The following MYCBP2 variants were observed in gnomAD, a reference collection of about 807,000 sequenced individuals.
The protein encoded by MYCBP2 is MYC binding protein 2, also known as E3 ubiquitin-protein ligase MYCBP2.
In MYCBP2, 120 loss-of-function variants were observed where a neutral mutation model predicts 525.3. That is an observed-to-expected ratio of 0.23 (90% confidence interval 0.20 to 0.27). MYCBP2 has a LOEUF of 0.27. Among genes scored for constraint, MYCBP2 ranks in the 10% least tolerant of loss-of-function variants. The pLI is 1.00. For synonymous variants in MYCBP2, 1,894 were observed against 1,955.8 expected (o/e 0.97, Z 0.83); for missense variants, 4,149 against 5,657.1 (o/e 0.73, Z 8.55).
chr13:77,082,155 GT>G, intron 63 of MYCBP2, 162 bp from the exon 64 acceptor site: 1 of 625,174 alleles, frequency 1.6e-6, no homozygotes, highest in South Asian at 3.0e-5. Context: ...TATTGTTTTT[GT>G]TTTTGAGAAA....
At chr13:77,276,668 T>G (rs1048655108) in intron 4 of MYCBP2, among the ~76,000 whole-genome samples, 22 of 150,998 alleles carry the variant, frequency 1.5e-4, no homozygotes, top group African/African-American at 3.2e-4. Context: ...TTTTGGGGGT[T>G]TTTTTTTTGG....
chr13:77,289,504 T>C (rs1351419740), intron 2 of MYCBP2, among the ~76,000 whole-genome samples: 1 of 151,952 alleles, frequency 6.6e-6, no homozygotes, highest in African/African-American at 2.4e-5. Flanking sequence ...CCAGTATCGA[T>C]TCATGATAGA....
At chr13:77,166,976 TAC>T (rs539593054) in intron 40 of MYCBP2, among the ~76,000 whole-genome samples, 2,990 of 127,088 alleles carry the variant, frequency 0.024, 51 homozygotes, top group African/African-American at 0.055. Flanking sequence ...AACACACACA[TAC>T]ACACACACAC....
At chr13:77,319,127 T>C (rs1299886083) in intron 1 of MYCBP2, among the ~76,000 whole-genome samples, 1 of 152,098 alleles carries the variant, frequency 6.6e-6, no homozygotes, top group Non-Finnish European at 1.5e-5. Flanking sequence ...TGTGTGTGTT[T>C]GTGTGTACAG....
intron 1 of MYCBP2, among the ~76,000 whole-genome samples, chr13:77,324,474 T>C (rs1318214179): frequency 6.6e-6 from 1 of 152,246 alleles, no homozygotes; most frequent in Non-Finnish European, 1.5e-5. Context: ...AGAAATGTGA[T>C]TTAATTCTTA....
chr13:77,319,290 A>G (rs925073270), intron 1 of MYCBP2, among the ~76,000 whole-genome samples: 2 of 152,166 alleles, frequency 1.3e-5, no homozygotes, highest in African/African-American at 4.8e-5. Flanking sequence ...TAGCTAGTAG[A>G]AGAAGGCCAC....
intron 43 of MYCBP2, among the ~76,000 whole-genome samples, chr13:77,162,475 G>GT (rs1388310756): frequency 6.6e-6 from 1 of 152,078 alleles, no homozygotes; most frequent in Non-Finnish European, 1.5e-5. Flanking sequence ...TACTAATAAA[G>GT]TAATACTTGT....
chr13:77,174,147 T>C (rs2059396819), intron 37 of MYCBP2, among the ~76,000 whole-genome samples, 164 bp downstream of exon 37: 1 of 152,232 alleles, frequency 6.6e-6, no homozygotes, highest in Non-Finnish European at 1.5e-5. Flanking sequence ...ATTGAATTTA[T>C]ATATTAAAAA....
At chr13:77,252,032 C>A (rs1417054403) in intron 14 of MYCBP2, among the ~76,000 whole-genome samples, 1 of 152,176 alleles carries the variant, frequency 6.6e-6, no homozygotes, top group Non-Finnish European at 1.5e-5. Flanking sequence ...AGAAGTCATT[C>A]CCTATTAAAG....
chr13:77,326,753 G>A lies in MYCBP2; in HGVS notation c.23C>T (p.Ala8Val). 1 of 1,414,628 alleles carries A rather than the reference G, an allele frequency of 7.1e-7. No homozygotes were observed. The highest frequency in any genetic ancestry group is 9.1e-7 in the Non-Finnish European group (1 of 1,098,560). 87.6% of individuals were successfully genotyped at this position (1,414,628 alleles called of 1,614,324 possible). The change falls in exon 1 of 83, where the codon GCC (alanine) becomes GTC (valine). Residue 8 changes from alanine to valine, a missense_variant. By Grantham distance (64) the Ala-to-Val change is moderately conservative. This residue lies in a region of MYCBP2 where 413 missense variants were observed against 451.2 expected (regional missense o/e 0.92). Coordinates refer to ENST00000544440, the MANE Select transcript of MYCBP2 (RefSeq NM_015057.5). The surrounding 1 kb of genome is among the most constrained non-coding windows in gnomAD (Gnocchi z 4.2). ...CCCCGAGGAGGCGGCGGCGGGGGAG[G>A]CAGTCGCTGCGCACATCATCATCCT... is the stretch of plus-strand genomic sequence containing the variant. MMMCAAT[A>V]SPAAASSGLG...
intron 38 of MYCBP2, among the ~76,000 whole-genome samples, chr13:77,171,116 C>T (rs548155838): frequency 9.2e-4 from 140 of 152,238 alleles, no homozygotes; most frequent in Middle Eastern, 3.4e-3. Context: ...ACAAGTGCCT[C>T]TGAGGAGATG....
intron 55 of MYCBP2, among the ~76,000 whole-genome samples, chr13:77,112,510 C>T (rs990341594): frequency 6.6e-5 from 10 of 151,534 alleles, no homozygotes; most frequent in East Asian, 3.8e-4. Flanking sequence ...ACTGCAGCCT[C>T]GAACTCCTGG....
At chr13:77,161,539 A>G (rs1264364946) in intron 44 of MYCBP2, among the ~76,000 whole-genome samples, 1 of 152,220 alleles carries the variant, frequency 6.6e-6, no homozygotes, top group Non-Finnish European at 1.5e-5. Context: ...ACAACTATAC[A>G]TCCTTTGTGA....
In MYCBP2 at chr13:77,270,026, C is replaced by G. The variant is rs1362267737; in HGVS notation, c.1226G>C (p.Arg409Thr). The G allele has an allele frequency of 6.2e-7, 1 of 1,609,894 alleles. No homozygotes were observed. Among genetic ancestry groups the G allele is most frequent in the East Asian group, 2.2e-5 (1 of 44,708 alleles). ...IYNSTSRIRNRKEKKSWLGYA... is the reference protein window; with the variant it reads ...IYNSTSRIRNTKEKKSWLGYA... The stretch of plus-strand genomic sequence containing the variant: ...CCCTAACCAAGACTTTTTTTCTTTT[C>G]TGTTTCTAATACGGGATGTAGAATT... The change falls in exon 7 of 83, where the codon AGA (arginine) becomes ACA (threonine). Residue 409 changes from arginine to threonine, a missense_variant. Around this residue, in one of 21 missense-constraint regions of MYCBP2, gnomAD observed 262 missense variants for 419.3 expected, o/e 0.62. Transcript: ENST00000544440.
At position 77,097,514 on chromosome 13, in the gene MYCBP2, TTTC is replaced by T. The variant is rs748429579; in HGVS notation, c.9637_9639del (p.Glu3213del). 6.2e-7 allele frequency: 1 copy of T among 1,612,084 alleles called. No individual in the cohort carries two copies. The highest frequency in any genetic ancestry group is 1.3e-5 in the African/African-American group (1 of 74,918). The stretch of plus-strand genomic sequence containing the variant: ...TTACCCCTGGGCCTAACTTCTGCCT[TTTC>T]TTTTTTCTTTTTTTCCTTTTTGGAC... On this transcript the variant is annotated inframe_deletion, in exon 56 of 83. Coordinates refer to ENST00000544440, the MANE Select transcript of MYCBP2 (RefSeq NM_015057.5).
chr13:77,168,048 T>C (rs983956772), intron 40 of MYCBP2, among the ~76,000 whole-genome samples: 12 of 152,280 alleles, frequency 7.9e-5, no homozygotes, highest in East Asian at 5.8e-4. Context: ...AAATCTTACA[T>C]TGGGGTTGTA....
Position 77,326,443 on chromosome 13 carries a change from G to C in MYCBP2, c.302+31C>G, listed in dbSNP as rs774502664. On this transcript the variant is annotated intron_variant, in intron 1 of 82. Coordinates refer to ENST00000544440, the MANE Select transcript of MYCBP2 (RefSeq NM_015057.5). The surrounding 1 kb of genome is among the most constrained non-coding windows in gnomAD (Gnocchi z 4.2). ...ATGGGGCGCAAGGAAGGGCGGCATGGGGCGCAAGGAAGGGCACCCTGGGGA... is the reference window on the plus strand; with the variant it reads ...ATGGGGCGCAAGGAAGGGCGGCATGCGGCGCAAGGAAGGGCACCCTGGGGA... 1 of 1,518,064 alleles carries C rather than the reference G, an allele frequency of 6.6e-7. No homozygotes were observed. Among genetic ancestry groups the C allele is most frequent in the South Asian group, 1.2e-5 (1 of 80,704 alleles). 94.0% of individuals were successfully genotyped at this position (1,518,064 alleles called of 1,614,324 possible). A position where few individuals can be genotyped will look rare whatever the true frequency, so the allele number is the denominator to read the frequency against.
intron 33 of MYCBP2, among the ~76,000 whole-genome samples, 192 bp from the exon 34 acceptor site, chr13:77,180,510 GTA>G (rs2154246790): frequency 6.6e-6 from 1 of 152,278 alleles, no homozygotes; most frequent in South Asian, 2.1e-4. Flanking sequence ...CTGTCTCTGC[GTA>G]TCAAAGTACC....
chr13:77,297,044 G>A (rs1281840308), intron 1 of MYCBP2, among the ~76,000 whole-genome samples: 1 of 152,182 alleles, frequency 6.6e-6, no homozygotes, highest in Admixed American at 6.5e-5. Flanking sequence ...TTTTGGTAGT[G>A]AGGGCTACGG....
Sources: gnomAD v4.1 joint callset for allele counts (sites outside exome capture counted in the v4.1 genomes callset) on GRCh38, gnomAD v4.1.1 for gene constraint, gnomAD v4.1.1 regional missense constraint, Gnocchi (gnomAD v3.1) non-coding constraint, MANE v1.5 for transcripts, NCBI Gene and HGNC (gene_info 2026-07-23, HGNC 2026-07-21) for gene names.